The following PRICKLE2 variants were observed in gnomAD, a reference collection of about 807,000 sequenced individuals.
PRICKLE2 encodes prickle planar cell polarity protein 2.
PRICKLE2 carries 21 observed loss-of-function variants against 81.4 expected under a neutral mutation model. That is an observed-to-expected ratio of 0.26 (90% CI 0.18 to 0.37). PRICKLE2 has a LOEUF of 0.37. Among genes scored for constraint, PRICKLE2 ranks in the 10% least tolerant of loss-of-function variants. PRICKLE2 has a pLI of 1.00. For missense variants in PRICKLE2, 940 were observed against 1,109.0 expected (o/e 0.85, Z 2.16); for synonymous variants, 456 against 421.5 (o/e 1.08, Z -1.00).
Position 64,092,794 on chromosome 3 carries a change from A to G in PRICKLE2, c.*6257T>C, listed in dbSNP as rs2076524517. The G allele has an allele frequency of 1.3e-5, 2 of 152,246 alleles. No homozygotes were observed. The highest frequency in any genetic ancestry group is 2.4e-5 in the African/African-American group (1 of 41,462). The allele number at this position is 152,246 out of a possible 1,614,324, so 9.4% of individuals were successfully genotyped here. Reference sequence around the variant, plus strand: ...AGAATTCTCAAGGAACAAAGACACTAAGAAGGCAATGCATTGAAACCAGTG... The same window carrying G: ...AGAATTCTCAAGGAACAAAGACACTGAGAAGGCAATGCATTGAAACCAGTG... On this transcript the variant is annotated 3_prime_UTR_variant, in exon 8 of 8. Transcript: ENST00000638394.
chr3:64,219,024 G>C (rs697285), intron 1 of PRICKLE2, among the ~76,000 whole-genome samples: 109,505 of 151,932 alleles, frequency 0.72, 40,109 homozygotes, highest in East Asian at 0.96. Flanking sequence ...TTCACTAGTG[G>C]AAAGCATCCA....
At chr3:64,157,917 A>G (rs1371287753) in intron 4 of PRICKLE2, among the ~76,000 whole-genome samples, 3 of 152,180 alleles carry the variant, frequency 2.0e-5, no homozygotes, top group Non-Finnish European at 4.4e-5. Context: ...ACATCTTTCT[A>G]CATAGTCTTG....
chr3:64,133,162 G>A (rs985359770), intron 7 of PRICKLE2, among the ~76,000 whole-genome samples: 2 of 152,252 alleles, frequency 1.3e-5, no homozygotes, highest in African/African-American at 2.4e-5. Flanking sequence ...ATATTAAACC[G>A]CTTCAGAAGG....
intron 1 of PRICKLE2, among the ~76,000 whole-genome samples, chr3:64,217,208 T>C (rs1575678351): frequency 6.6e-6 from 1 of 152,072 alleles, no homozygotes; most frequent in Non-Finnish European, 1.5e-5. Context: ...AGAAAGACCC[T>C]ACATCACTGG....
intron 1 of PRICKLE2, among the ~76,000 whole-genome samples, chr3:64,205,245 T>C (rs2078663770): frequency 6.6e-6 from 1 of 152,112 alleles, no homozygotes; most frequent in African/African-American, 2.4e-5. Flanking sequence ...CATTCTCCTC[T>C]ACCCCAAAAC....
chr3:64,182,725 T>C (rs931945025), intron 2 of PRICKLE2: 2 of 152,162 alleles, frequency 1.3e-5, no homozygotes, highest in South Asian at 2.1e-4. Flanking sequence ...TATTCTGTTA[T>C]AGCAGCACAA....
chr3:64,194,381 T>C (rs1288893520), intron 2 of PRICKLE2: 3 of 152,266 alleles, frequency 2.0e-5, no homozygotes, highest in Non-Finnish European at 4.4e-5. Flanking sequence ...AGAATTCTGC[T>C]GAGATGTCCT....
intron 7 of PRICKLE2, among the ~76,000 whole-genome samples, chr3:64,112,764 G>C (rs184698907): frequency 2.0e-5 from 3 of 152,258 alleles, no homozygotes; most frequent in Admixed American, 6.5e-5. Flanking sequence ...CTGTGCATCA[G>C]ACAAGGCCTA....
At chr3:64,181,641 CAT>C (rs1177989409) in intron 2 of PRICKLE2, among the ~76,000 whole-genome samples, 5 of 152,084 alleles carry the variant, frequency 3.3e-5, no homozygotes, top group Non-Finnish European at 5.9e-5. Flanking sequence ...TTTTCTACCA[CAT>C]GTTTAGGAAG....
Position 64,099,683 on chromosome 3 carries a change from A to G in PRICKLE2, c.1903T>C (p.Ser635Pro), listed in dbSNP as rs775727925. The change falls in exon 8 of 8, where the codon TCC becomes CCC. Residue 635 changes from serine to proline, a missense_variant. This residue lies in a region of PRICKLE2 where 670 missense variants were observed against 717.2 expected (regional missense o/e 0.93). Coordinates refer to ENST00000638394, the MANE Select transcript of PRICKLE2 (RefSeq NM_198859.4). The surrounding 1 kb of genome is among the most constrained non-coding windows in gnomAD (Gnocchi z 4.3). ...AAGCTCTGATGCATCCTTCCGTGGG[A>G]CTGCAGGTCTCTGTAGCCAATGGGG... ...SNPIGYRDLQSHGRMHQSFDF... is the reference protein window; with the variant it reads ...SNPIGYRDLQPHGRMHQSFDF... 22 of 1,614,046 alleles carry G rather than the reference A, an allele frequency of 1.4e-5. No individual in the cohort carries two copies. Among genetic ancestry groups the G allele is most frequent in the Admixed American group, 5.0e-5 (3 of 60,000 alleles).
In PRICKLE2 at chr3:64,146,947, T is replaced by C. The variant is rs920205583; in HGVS notation, c.1543A>G (p.Thr515Ala). Reference protein sequence around the residue: ...EEEEEEGGLSTQQCRTRHPIS... With the variant: ...EEEEEEGGLSAQQCRTRHPIS... ...GGATGACGGGTCCGACACTGCTGAG[T>C]GGACAAGCCCCCTTCCTCTTCCTCT... The change falls in exon 7 of 8, where the codon ACT becomes GCT. Residue 515 changes from threonine (T) to alanine (A), a missense_variant. Thr to Ala is a moderately conservative substitution (Grantham distance 58, BLOSUM62 0). Coordinates refer to ENST00000638394, the MANE Select transcript of PRICKLE2 (RefSeq NM_198859.4). 3 of 1,613,948 alleles carry C rather than the reference T, an allele frequency of 1.9e-6. No homozygotes were observed. The highest frequency in any genetic ancestry group is 2.7e-5 in the African/African-American group (2 of 74,886).
intron 2 of PRICKLE2, among the ~76,000 whole-genome samples, chr3:64,195,817 C>T (rs1282672732): frequency 1.3e-5 from 2 of 152,248 alleles, no homozygotes; most frequent in East Asian, 1.9e-4. Flanking sequence ...TTTTATTAGG[C>T]GCTATAGAAT....
chr3:64,116,602 T>A (rs919238574), intron 7 of PRICKLE2, among the ~76,000 whole-genome samples: 1 of 152,026 alleles, frequency 6.6e-6, no homozygotes, highest in Non-Finnish European at 1.5e-5. Context: ...CTAGGAGAAA[T>A]GGATAAATGT....
intron 7 of PRICKLE2, among the ~76,000 whole-genome samples, chr3:64,128,522 C>T (rs750592569): frequency 6.6e-6 from 1 of 151,910 alleles, no homozygotes; most frequent in Non-Finnish European, 1.5e-5. Flanking sequence ...TCACAGCGGG[C>T]GGATCACAAG....
At chr3:64,234,201 G>A (rs969326121) in intron 2 of PRICKLE2, among the ~76,000 whole-genome samples, 3 of 152,036 alleles carry the variant, frequency 2.0e-5, no homozygotes, top group African/African-American at 7.2e-5. Context: ...GGATTGCTGG[G>A]TCGTATAACT....
chr3:64,162,944 A>T, intron 3 of PRICKLE2, 72 bp downstream of exon 3: 1 of 959,556 alleles, frequency 1.0e-6, no homozygotes, highest in Non-Finnish European at 1.7e-6. Context: ...CATTGGTGGC[A>T]GATTATGAAA....
At chr3:64,202,897 T>G (rs754813744) in intron 1 of PRICKLE2, among the ~76,000 whole-genome samples, 1 of 152,194 alleles carries the variant, frequency 6.6e-6, no homozygotes, top group African/African-American at 2.4e-5. Flanking sequence ...ATGTTAGCCA[T>G]GAGTTATTTG....
At chr3:64,267,967 G>A (rs1024108900) in intron 2 of PRICKLE2, 1 of 152,312 alleles carries the variant, frequency 6.6e-6, no homozygotes, top group Non-Finnish European at 1.5e-5. Flanking sequence ...GGGGGAGCCG[G>A]GGAAAGGGGG....
Position 64,096,223 on chromosome 3 carries a change from G to A in PRICKLE2, c.*2828C>T, listed in dbSNP as rs2076570674. 1 of 152,210 alleles carries A rather than the reference G, an allele frequency of 6.6e-6. No homozygotes were observed. The allele number at this position is 152,210 out of a possible 1,614,324, so 9.4% of individuals were successfully genotyped here. On this transcript the variant is annotated 3_prime_UTR_variant, in exon 8 of 8. Transcript: ENST00000638394. ...AACGCTGGAAAAAGATTACTATTCTGGAAATCAGTCTCTTGAAGATGGAAT... is the reference window on the plus strand; with the variant it reads ...AACGCTGGAAAAAGATTACTATTCTAGAAATCAGTCTCTTGAAGATGGAAT...
Sources: gnomAD v4.1 joint callset for allele counts (sites outside exome capture counted in the v4.1 genomes callset) on GRCh38, gnomAD v4.1.1 for gene constraint, gnomAD v4.1.1 regional missense constraint, Gnocchi (gnomAD v3.1) non-coding constraint, MANE v1.5 for transcripts, NCBI Gene and HGNC (gene_info 2026-07-23, HGNC 2026-07-21) for gene names.